Variants in MED13L observed in about 807,000 individuals in gnomAD.
The protein encoded by MED13L is mediator complex subunit 13L, also known as mediator of RNA polymerase II transcription subunit 13-like.
In MED13L, 7 loss-of-function variants were observed where a neutral mutation model predicts 220.9. The observed-to-expected ratio is 0.03, with a 90% CI of 0.02 to 0.06. The LOEUF (loss-of-function observed/expected upper bound fraction) is 0.06, where lower values mean the gene tolerates loss of function less well. Ranked by LOEUF, MED13L falls within the 10% of genes least tolerant of loss-of-function variation. MED13L has a pLI of 1.00. For missense variants in MED13L, 1,965 were observed against 2,760.5 expected, an observed-to-expected ratio of 0.71 and a Z score of 6.46; for synonymous variants, 1,011 against 1,015.2, an observed-to-expected ratio of 1.00 and a Z score of 0.08.
At chr12:115,999,798 T>G (rs1253558121) in intron 14 of MED13L, among the ~76,000 whole-genome samples, 1 of 152,172 alleles carries the variant, frequency 6.6e-6, no homozygotes, top group Non-Finnish European at 1.5e-5. Context: ...AACGCACGCA[T>G]ATATCTCAGT....
intron 2 of MED13L, chr12:116,230,615 T>A: frequency 3.5e-6 from 1 of 289,314 alleles, no homozygotes; most frequent in Non-Finnish European, 5.2e-6. Flanking sequence ...CTCACAAATT[T>A]AATACCACTA....
At chr12:116,013,755 A>G (rs886458726) in intron 8 of MED13L, among the ~76,000 whole-genome samples, 3 of 152,166 alleles carry the variant, frequency 2.0e-5, no homozygotes, top group African/African-American at 7.2e-5. Context: ...ATATTTTTGG[A>G]TTGCTGATTT....
chr12:116,178,589 T>C (rs1259046865), intron 2 of MED13L, among the ~76,000 whole-genome samples: 2 of 152,222 alleles, frequency 1.3e-5, no homozygotes, highest in Admixed American at 6.5e-5. Context: ...TCTTTGTTAG[T>C]AGCAAAATGA....
At chr12:116,033,808 G>T (rs1881004780) in intron 4 of MED13L, among the ~76,000 whole-genome samples, 3 of 152,124 alleles carry the variant, frequency 2.0e-5, no homozygotes, top group Admixed American at 2.0e-4. Flanking sequence ...ACAGGAAACT[G>T]TGTTAGAGAA....
At chr12:116,164,018 T>A (rs529217967) in intron 2 of MED13L, among the ~76,000 whole-genome samples, 5 of 152,286 alleles carry the variant, frequency 3.3e-5, no homozygotes, top group African/African-American at 9.6e-5. Context: ...TTAAGTTCAA[T>A]AGTAAGAGAT....
chr12:116,164,623 C>G (rs866697002), intron 2 of MED13L, among the ~76,000 whole-genome samples: 28 of 152,240 alleles, frequency 1.8e-4, no homozygotes, highest in Middle Eastern at 6.8e-3. Flanking sequence ...CACTAGTTTT[C>G]CACTATAGCT....
At chr12:116,115,175 T>C (rs980976757) in intron 2 of MED13L, among the ~76,000 whole-genome samples, 4 of 152,078 alleles carry the variant, frequency 2.6e-5, no homozygotes, top group African/African-American at 9.7e-5. Context: ...TGAATTAGGA[T>C]AGAGCAAGCA....
chr12:116,108,450 A>C (rs909892300), intron 3 of MED13L, among the ~76,000 whole-genome samples: 31 of 150,962 alleles, frequency 2.1e-4, no homozygotes, highest in Non-Finnish European at 4.1e-4. Flanking sequence ...GATATCCATC[A>C]CCACAGATAA....
intron 1 of MED13L, among the ~76,000 whole-genome samples, chr12:116,273,490 CA>C (rs879432457): frequency 0.011 from 1,538 of 134,146 alleles, 23 homozygotes; most frequent in African/African-American, 0.034. Context: ...TGTTCTAGCG[CA>C]AAAAAAAAAA....
chr12:116,169,509 T>C (rs555122247), intron 2 of MED13L, among the ~76,000 whole-genome samples: 1 of 152,234 alleles, frequency 6.6e-6, no homozygotes, highest in Non-Finnish European at 1.5e-5. Flanking sequence ...ACAATCATAT[T>C]GTCATATCTA....
At chr12:116,090,823 A>G (rs1333816659) in intron 4 of MED13L, among the ~76,000 whole-genome samples, 1 of 152,164 alleles carries the variant, frequency 6.6e-6, no homozygotes, top group African/African-American at 2.4e-5. Flanking sequence ...CCTCTCCAGT[A>G]TATTAAAAAA....
rs368437832 is a variant in MED13L at position 116,007,614 on chromosome 12, G to A, written c.2035C>T (p.Arg679Trp). 2.3e-5 allele frequency: 30 copies of A among 1,330,528 alleles called. No individual in the cohort carries two copies. The highest frequency in any genetic ancestry group is 8.3e-5 in the African/African-American group (5 of 60,086). 82.4% of individuals were successfully genotyped at this position (1,330,528 alleles called of 1,614,324 possible). The change falls in exon 11 of 31, where the codon CGG (arginine) becomes TGG (tryptophan). Residue 679 changes from arginine (R) to tryptophan (W), a missense_variant. This residue lies in a region of MED13L where 818 missense variants were observed against 1,041.2 expected (regional missense o/e 0.79). Transcript: ENST00000281928. ...TGTTTGTCTTGCCAGATTTTAAACC[G>A]TTTGTTAGGTTGTGCTAAGAGTCTA... The part of the protein sequence containing the change: ...LQRLLAQPNK[R>W]FKIWQDKQPQ...
intron 2 of MED13L, among the ~76,000 whole-genome samples, chr12:116,189,827 G>C (rs1378341756): frequency 6.6e-6 from 1 of 152,092 alleles, no homozygotes; most frequent in East Asian, 1.9e-4. Flanking sequence ...TAATTTTTGT[G>C]TACATATGGT....
At chr12:116,168,296 G>T (rs1163567552) in intron 2 of MED13L, among the ~76,000 whole-genome samples, 2 of 149,606 alleles carry the variant, frequency 1.3e-5, no homozygotes, top group African/African-American at 4.9e-5. Flanking sequence ...TTAACTCCAC[G>T]AATAGTGTCT....
At chr12:116,138,607 T>G (rs1266059265) in intron 2 of MED13L, among the ~76,000 whole-genome samples, 1 of 152,242 alleles carries the variant, frequency 6.6e-6, no homozygotes, top group East Asian at 1.9e-4. Flanking sequence ...CAGACTTGTT[T>G]GTGGCCATCA....
intron 2 of MED13L, among the ~76,000 whole-genome samples, chr12:116,117,752 A>G (rs1874651556): frequency 6.6e-6 from 1 of 152,158 alleles, no homozygotes. Context: ...TATATTCTTC[A>G]CTTCATATCA....
chr12:116,034,486 C>T (rs1009296889), intron 4 of MED13L, among the ~76,000 whole-genome samples: 2 of 152,190 alleles, frequency 1.3e-5, no homozygotes, highest in Non-Finnish European at 2.9e-5. Flanking sequence ...TCTACGCATT[C>T]TTCTGAAGGG....
intron 2 of MED13L, among the ~76,000 whole-genome samples, chr12:116,146,600 C>CA (rs1440957260): frequency 1.3e-5 from 2 of 152,062 alleles, no homozygotes; most frequent in East Asian, 3.9e-4. Context: ...CATGGTGACT[C>CA]ACGCTTGTAA....
At chr12:116,166,707 T>C (rs2138162957) in intron 2 of MED13L, among the ~76,000 whole-genome samples, 1 of 152,370 alleles carries the variant, frequency 6.6e-6, no homozygotes. Context: ...TGTGTTATTT[T>C]ATTAATACCT....
Sources: gnomAD v4.1 joint callset for allele counts (sites outside exome capture counted in the v4.1 genomes callset) on GRCh38, gnomAD v4.1.1 for gene constraint, gnomAD v4.1.1 regional missense constraint, MANE v1.5 for transcripts, NCBI Gene and HGNC (gene_info 2026-07-23, HGNC 2026-07-21) for gene names.